Variants in AGBL4 observed in about 807,000 individuals in gnomAD.
The protein encoded by AGBL4 is cytosolic carboxypeptidase 6.
AGBL4 carries 58 observed loss-of-function variants against 66.4 expected under a neutral mutation model. The ratio of observed to expected loss-of-function variants is 0.87; its 90% CI spans 0.71 to 1.09. AGBL4 has a LOEUF of 1.09. AGBL4 is among the 50% of genes least tolerant of loss of function. The pLI, the probability that AGBL4 is intolerant of heterozygous loss-of-function variation, is 0.00. For missense variants in AGBL4, 579 were observed against 631.0 expected (o/e 0.92, Z 0.88); for synonymous variants, 234 against 222.9 (o/e 1.05, Z -0.44).
At chr1:49,772,961 A>G (rs185284615) in intron 2 of AGBL4, among the ~76,000 whole-genome samples, 35 of 152,166 alleles carry the variant, frequency 2.3e-4, no homozygotes, top group African/African-American at 8.4e-4. Flanking sequence ...TCTTTTTCTG[A>G]CACTCTATAG....
intron 2 of AGBL4, chr1:49,841,888 A>G (rs1557502436): frequency 3.2e-6 from 2 of 622,122 alleles, no homozygotes; most frequent in Non-Finnish European, 5.8e-6. Flanking sequence ...AAGCCAGGGC[A>G]TGACCCCTGG....
intron 3 of AGBL4, among the ~76,000 whole-genome samples, chr1:49,671,718 C>A (rs1027589598): frequency 3.9e-5 from 6 of 152,052 alleles, no homozygotes; most frequent in Admixed American, 3.9e-4. Flanking sequence ...ATGCAGCCAA[C>A]AAGCATATGA....
intron 3 of AGBL4, among the ~76,000 whole-genome samples, chr1:49,577,070 C>G (rs528278170): frequency 6.6e-6 from 1 of 152,266 alleles, no homozygotes; most frequent in South Asian, 2.1e-4. Flanking sequence ...TGATCAGGGA[C>G]TTGGAAGAAG....
At chr1:49,325,054 G>A (rs1308877107) in intron 3 of AGBL4, among the ~76,000 whole-genome samples, 2 of 151,930 alleles carry the variant, frequency 1.3e-5, no homozygotes, top group African/African-American at 2.4e-5. Context: ...ACGGAGTCTC[G>A]CTCTGTCACC....
At chr1:49,972,264 C>T (rs1658193427) in intron 1 of AGBL4, among the ~76,000 whole-genome samples, 1 of 151,944 alleles carries the variant, frequency 6.6e-6, no homozygotes, top group South Asian at 2.1e-4. Flanking sequence ...GTGTACTCAT[C>T]ACCCTAACAG....
At chr1:49,673,736 T>C (rs920859559) in intron 3 of AGBL4, among the ~76,000 whole-genome samples, 1 of 152,046 alleles carries the variant, frequency 6.6e-6, no homozygotes, top group African/African-American at 2.4e-5. Flanking sequence ...GCTGCAGACA[T>C]TGTAACAAAT....
intron 4 of AGBL4, among the ~76,000 whole-genome samples, chr1:49,104,790 A>G (rs942815794): frequency 1.3e-5 from 2 of 152,180 alleles, no homozygotes; most frequent in Non-Finnish European, 2.9e-5. Flanking sequence ...GTCTGAGAAC[A>G]GTTTTTATAG....
rs370120875 is a variant in AGBL4 at position 49,812,595 on chromosome 1, T to C, written c.157+38801A>G. ...TGGGTTTCTCCACATAATCTATGAA[T>C]ACTGATGTTAGAGGAAGGAACACTG... On this transcript the variant is annotated intron_variant, in intron 2 of 13. Coordinates refer to ENST00000371839, the MANE Select transcript of AGBL4 (RefSeq NM_032785.4). 3.4e-4 allele frequency among the ~76,000 whole-genome samples: 52 copies of C among 152,308 alleles called. 1 individual carries two copies. The South Asian group carries it at 9.5e-3, about 28-fold the overall frequency.
intron 3 of AGBL4, among the ~76,000 whole-genome samples, chr1:49,466,439 A>G (rs1290817036): frequency 1.3e-5 from 2 of 151,580 alleles, no homozygotes; most frequent in African/African-American, 2.4e-5. Context: ...TTTGTTAACC[A>G]GCATAAGAGG....
At chr1:49,222,911 A>G (rs1411444130) in intron 4 of AGBL4, among the ~76,000 whole-genome samples, 4 of 152,136 alleles carry the variant, frequency 2.6e-5, no homozygotes, top group Non-Finnish European at 5.9e-5. Flanking sequence ...ATTTGAGGGA[A>G]GACCTATATC....
At chr1:49,557,200 C>G (rs1043523075) in intron 3 of AGBL4, among the ~76,000 whole-genome samples, 2 of 151,834 alleles carry the variant, frequency 1.3e-5, no homozygotes, top group Non-Finnish European at 2.9e-5. Flanking sequence ...GCTGCCAGAG[C>G]GGACGCTGAG....
At chr1:49,826,956 G>C (rs1197889663) in intron 2 of AGBL4, among the ~76,000 whole-genome samples, 2 of 152,126 alleles carry the variant, frequency 1.3e-5, no homozygotes, top group Admixed American at 1.3e-4. Flanking sequence ...TACAGACTTT[G>C]AGGATAGATT....
intron 5 of AGBL4, among the ~76,000 whole-genome samples, chr1:48,998,057 G>A (rs2148987437): frequency 6.6e-6 from 1 of 152,286 alleles, no homozygotes; most frequent in African/African-American, 2.4e-5. Context: ...GAGAAAGATT[G>A]AATCCACTAG....
chr1:49,911,008 T>A lies in AGBL4; in HGVS notation c.35-59490A>T, dbSNP rs184518759. 2.0e-5 allele frequency among the ~76,000 whole-genome samples: 3 copies of A among 152,254 alleles called. No homozygotes were observed. In the East Asian group the frequency reaches 5.8e-4, roughly 29 times the overall value. ...CAAAAAAGAAAACCAACCTTTTGAA[T>A]GTAGGGGAAACTTTTCAAAGGATAT... On this transcript the variant is annotated intron_variant, in intron 1 of 13. Coordinates refer to ENST00000371839, the MANE Select transcript of AGBL4 (RefSeq NM_032785.4).
At chr1:49,808,476 G>A (rs1645024036) in intron 2 of AGBL4, among the ~76,000 whole-genome samples, 1 of 152,070 alleles carries the variant, frequency 6.6e-6, no homozygotes, top group Non-Finnish European at 1.5e-5. Context: ...ATTACATGAA[G>A]TCAGTTAATA....
chr1:49,634,350 G>C (rs569917776), intron 3 of AGBL4, among the ~76,000 whole-genome samples: 91 of 152,248 alleles, frequency 6.0e-4, no homozygotes, highest in Non-Finnish European at 1.1e-3. Flanking sequence ...TGCTGAGAAT[G>C]ATGGTTTCCA....
intron 5 of AGBL4, among the ~76,000 whole-genome samples, chr1:48,883,999 C>T (rs373082637): frequency 2.7e-3 from 404 of 152,212 alleles, no homozygotes; most frequent in Middle Eastern, 0.017. Flanking sequence ...AGCTACAGTC[C>T]CTCAGAGGGC....
At chr1:49,226,112 T>C (rs886283918) in intron 4 of AGBL4, among the ~76,000 whole-genome samples, 1 of 152,180 alleles carries the variant, frequency 6.6e-6, no homozygotes, top group Non-Finnish European at 1.5e-5. Context: ...GTTAACAAAG[T>C]CTATATTCTT....
intron 5 of AGBL4, among the ~76,000 whole-genome samples, chr1:48,919,337 G>T (rs1653887322): frequency 6.6e-6 from 1 of 152,158 alleles, no homozygotes; most frequent in South Asian, 2.1e-4. Flanking sequence ...TCTATTTCAG[G>T]TCTTACATTT....
Sources: allele counts gnomAD v4.1 joint callset (sites outside exome capture counted in the v4.1 genomes callset), GRCh38; gene constraint gnomAD v4.1.1; transcripts MANE v1.5; gene names NCBI Gene and HGNC (gene_info 2026-07-23, HGNC 2026-07-21).